The following ZBTB7C variants were observed in gnomAD, a reference collection of about 807,000 sequenced individuals.
ZBTB7C encodes the protein zinc finger and BTB domain containing 7C.
ZBTB7C carries 8 observed loss-of-function variants against 25.7 expected under a neutral mutation model. The ratio of observed to expected loss-of-function variants is 0.31; its 90% CI spans 0.18 to 0.56. The LOEUF (loss-of-function observed/expected upper bound fraction) is 0.56. ZBTB7C is among the 20% of genes least tolerant of loss of function. The pLI is 0.91. For missense variants in ZBTB7C, 824 were observed against 855.2 expected (o/e 0.96, Z 0.46); for synonymous variants, 394 against 369.0 (o/e 1.07, Z -0.78).
intron 2 of ZBTB7C, among the ~76,000 whole-genome samples, chr18:48,284,511 C>T (rs986384272): frequency 1.2e-4 from 18 of 151,776 alleles, no homozygotes; most frequent in African/African-American, 2.4e-4. Context: ...AAACATCATC[C>T]GGCTGGGCGT....
intron 3 of ZBTB7C, among the ~76,000 whole-genome samples, chr18:48,085,028 G>T (rs910600861): frequency 6.6e-6 from 1 of 152,120 alleles, no homozygotes; most frequent in Non-Finnish European, 1.5e-5. Context: ...CCCAGCCCCC[G>T]GGAATGGTGT....
intron 1 of ZBTB7C, among the ~76,000 whole-genome samples, chr18:48,406,954 A>G (rs921461423): frequency 6.6e-6 from 1 of 152,250 alleles, no homozygotes; most frequent in Non-Finnish European, 1.5e-5. Context: ...CTGGTACAAA[A>G]TAAGTGGCTA....
At chr18:48,231,611 G>A (rs945215570) in intron 2 of ZBTB7C, among the ~76,000 whole-genome samples, 1 of 152,176 alleles carries the variant, frequency 6.6e-6, no homozygotes, top group Non-Finnish European at 1.5e-5. Context: ...ACTTGTCCAC[G>A]TACTTCATTC....
chr18:48,256,477 C>CAAAA lies in ZBTB7C; in HGVS notation c.-78-70486_-78-70483dup, dbSNP rs35449001. ...AGACTTTTTCATACATACAAAAGCT[C>CAAAA]AAAAAAAAAAAAAAAATAGAAGGCC... On this transcript the variant is annotated intron_variant, in intron 2 of 4. Coordinates refer to ENST00000590800, the MANE Select transcript of ZBTB7C (RefSeq NM_001318841.2). 6.0e-4 allele frequency among the ~76,000 whole-genome samples: 79 copies of CAAAA among 131,444 alleles called. 1 individual carries two copies. Among genetic ancestry groups the CAAAA allele is most frequent in the East Asian group, 2.0e-3 (9 of 4,428 alleles). 86.2% of individuals were successfully genotyped at this position (131,444 alleles called of 152,430 possible).
At chr18:48,163,930 C>T (rs2041155983) in intron 3 of ZBTB7C, among the ~76,000 whole-genome samples, 4 of 152,280 alleles carry the variant, frequency 2.6e-5, no homozygotes, top group African/African-American at 9.6e-5. Flanking sequence ...ACTAGGTGGA[C>T]AGTTGGCGGA....
At chr18:48,185,566 G>T in intron 3 of ZBTB7C, 1 of 231,128 alleles carries the variant, frequency 4.3e-6, no homozygotes, top group Non-Finnish European at 8.7e-6. Context: ...CTGAATAGGG[G>T]GTCAACCTAG....
chr18:48,057,658 A>G (rs1424302342), intron 3 of ZBTB7C, among the ~76,000 whole-genome samples: 1 of 152,188 alleles, frequency 6.6e-6, no homozygotes, highest in Non-Finnish European at 1.5e-5. Flanking sequence ...AAAATGCTGA[A>G]TGATCTATAT....
chr18:48,111,347 T>C (rs1030253350), intron 3 of ZBTB7C, among the ~76,000 whole-genome samples: 1 of 152,242 alleles, frequency 6.6e-6, no homozygotes, highest in African/African-American at 2.4e-5. Flanking sequence ...TTTGTTCTTA[T>C]GCTTTAATTT....
chr18:48,154,485 G>A (rs559365537), intron 3 of ZBTB7C, among the ~76,000 whole-genome samples: 1 of 152,314 alleles, frequency 6.6e-6, no homozygotes, highest in African/African-American at 2.4e-5. Flanking sequence ...TATAGCTGCC[G>A]TTCTTTCATG....
intron 3 of ZBTB7C, among the ~76,000 whole-genome samples, chr18:48,133,319 G>C (rs1021791248): frequency 6.6e-6 from 1 of 152,228 alleles, no homozygotes; most frequent in African/African-American, 2.4e-5. Flanking sequence ...TTCCAAGCAA[G>C]GCCTAGATGG....
intron 1 of ZBTB7C, among the ~76,000 whole-genome samples, chr18:48,390,132 T>C (rs574148732): frequency 6.6e-6 from 1 of 152,324 alleles, no homozygotes; most frequent in Admixed American, 6.5e-5. Flanking sequence ...TTAAAATCAA[T>C]AATTATTTTT....
chr18:48,120,058 A>C (rs1422087711), intron 3 of ZBTB7C, among the ~76,000 whole-genome samples: 1 of 152,096 alleles, frequency 6.6e-6, no homozygotes, highest in Non-Finnish European at 1.5e-5. Context: ...GAGATGCTAC[A>C]TTTCCAGGTG....
At chr18:48,200,912 GC>G (rs2042429487) in intron 2 of ZBTB7C, among the ~76,000 whole-genome samples, 1 of 152,198 alleles carries the variant, frequency 6.6e-6, no homozygotes, top group Non-Finnish European at 1.5e-5. Context: ...GTGGGGAGAA[GC>G]TGAGGTGTGT....
chr18:48,333,465 A>G (rs1198033640), intron 2 of ZBTB7C, among the ~76,000 whole-genome samples: 1 of 152,212 alleles, frequency 6.6e-6, no homozygotes, highest in Admixed American at 6.5e-5. Context: ...ACAGACTCTC[A>G]TGCCCATTTA....
chr18:48,157,407 G>C (rs969706024), intron 3 of ZBTB7C, among the ~76,000 whole-genome samples: 6 of 152,112 alleles, frequency 3.9e-5, no homozygotes, highest in Admixed American at 1.3e-4. Flanking sequence ...GGCGGATGAG[G>C]AAACGGAGAC....
chr18:48,336,511 C>T (rs2046460681), intron 2 of ZBTB7C, among the ~76,000 whole-genome samples: 3 of 152,208 alleles, frequency 2.0e-5, no homozygotes, highest in African/African-American at 7.2e-5. Context: ...CCTCCAGAGG[C>T]CTGACCAGGC....
chr18:48,225,985 C>T (rs997823482), intron 2 of ZBTB7C, among the ~76,000 whole-genome samples: 1 of 152,352 alleles, frequency 6.6e-6, no homozygotes, highest in East Asian at 1.9e-4. Flanking sequence ...TCGCGATCCA[C>T]CCGCTTTGGC....
At chr18:48,343,887 CCCCCGCCTGCT>C (rs1189849513) in intron 1 of ZBTB7C, among the ~76,000 whole-genome samples, 1 of 152,220 alleles carries the variant, frequency 6.6e-6, no homozygotes, top group East Asian at 1.9e-4. Context: ...TGCACTCCCT[CCCCCGCCTGCT>C]TTGGTCTTTA....
intron 1 of ZBTB7C, among the ~76,000 whole-genome samples, chr18:48,395,137 T>A (rs182669145): frequency 1.3e-5 from 2 of 152,210 alleles, no homozygotes; most frequent in African/African-American, 4.8e-5. Flanking sequence ...GGCTATATTT[T>A]CCTCCTGCTC....
Sources: gnomAD v4.1 joint callset for allele counts (sites outside exome capture counted in the v4.1 genomes callset) on GRCh38, gnomAD v4.1.1 for gene constraint, MANE v1.5 for transcripts, NCBI Gene and HGNC (gene_info 2026-07-23, HGNC 2026-07-21) for gene names.